Variants in ACVR1 observed in about 807,000 individuals in gnomAD.
The protein encoded by ACVR1 is activin receptor type-1.
A neutral mutation model predicts 57.1 loss-of-function variants in ACVR1; 38 were observed. The observed-to-expected ratio is 0.67, with a 90% CI of 0.51 to 0.87. ACVR1 has a LOEUF of 0.87. Among genes scored for constraint, ACVR1 ranks in the 40% least tolerant of loss-of-function variants. The pLI, the probability that ACVR1 is intolerant of heterozygous loss-of-function variation, is 0.00. For synonymous variants in ACVR1, 212 were observed against 228.1 expected (o/e 0.93, Z 0.63); for missense variants, 463 against 638.2 (o/e 0.73, Z 2.96).
rs763235054 is a variant in ACVR1 at position 157,760,950 on chromosome 2, A to G, written c.1194T>C (p.Ser398=). The change falls in exon 9 of 11, where the codon TCT becomes TCC. Residue 398 remains serine (S), a synonymous_variant. Coordinates refer to ENST00000434821, the MANE Select transcript of ACVR1 (RefSeq NM_001111067.4). ...DETIQVDCFD[S]YKRVDIWAFG... ...AGGCCCAAATATCGACCCTTTTATA[A>G]GAATCGAAACAATCCACCTGGATGG... 1 of 1,614,214 alleles carries G rather than the reference A, an allele frequency of 6.2e-7. No individual in the cohort carries two copies. The highest frequency in any genetic ancestry group is 8.5e-7 in the Non-Finnish European group (1 of 1,180,026).
intron 1 of ACVR1, chr2:157,838,434 T>A (rs1202766096): frequency 6.6e-6 from 1 of 152,120 alleles, no homozygotes; most frequent in Non-Finnish European, 1.5e-5. Flanking sequence ...AAGTCAAGAA[T>A]AATATTTAGG....
chr2:157,746,684 G>C (rs1684977818), intron 9 of ACVR1, among the ~76,000 whole-genome samples: 1 of 152,236 alleles, frequency 6.6e-6, no homozygotes, highest in South Asian at 2.1e-4. Context: ...CTGGGCCCCG[G>C]GAATCTGTGT....
chr2:157,788,703 C>T (rs891060957), intron 3 of ACVR1, among the ~76,000 whole-genome samples: 7 of 152,072 alleles, frequency 4.6e-5, no homozygotes, highest in Non-Finnish European at 1.0e-4. Flanking sequence ...TGGTTTCAGG[C>T]ATCCACCGGG....
chr2:157,787,477 C>T (rs2105290338), intron 3 of ACVR1, among the ~76,000 whole-genome samples: 1 of 152,276 alleles, frequency 6.6e-6, no homozygotes, highest in Non-Finnish European at 1.5e-5. Flanking sequence ...ATGGCCATGT[C>T]TAAGTGGAGC....
At chr2:157,763,130 A>G (rs916982328) in intron 8 of ACVR1, among the ~76,000 whole-genome samples, 2 of 152,220 alleles carry the variant, frequency 1.3e-5, no homozygotes. Context: ...CTTTGAAAAA[A>G]CTGAAAACAT....
intron 9 of ACVR1, among the ~76,000 whole-genome samples, chr2:157,751,339 G>C (rs1019462501): frequency 6.6e-6 from 1 of 152,234 alleles, no homozygotes; most frequent in African/African-American, 2.4e-5. Context: ...TTTCTGACTT[G>C]TCTTACAGCG....
chr2:157,807,560 A>C lies in ACVR1; in HGVS notation c.-7-8060T>G, dbSNP rs561767348. Among the ~76,000 whole-genome samples the C allele has an allele frequency of 1.3e-3, 199 of 147,870 alleles. 1 individual carries two copies. The highest frequency in any genetic ancestry group is 4.6e-3 in the African/African-American group (187 of 40,238). On this transcript the variant is annotated intron_variant, in intron 2 of 10. Coordinates refer to ENST00000434821, the MANE Select transcript of ACVR1 (RefSeq NM_001111067.4). The stretch of plus-strand genomic sequence containing the variant: ...TCCCTTGTTTGCAAACTGTGACTGG[A>C]CCATTTTTTTTTTTTTACCTATTGG...
chr2:157,875,134 C>T (rs759935429), intron 1 of ACVR1: 1 of 152,228 alleles, frequency 6.6e-6, no homozygotes, highest in Admixed American at 6.5e-5. Context: ...AGGTTCTAGC[C>T]TCACTGTTTT....
chr2:157,832,349 G>T (rs1688611702), intron 1 of ACVR1, among the ~76,000 whole-genome samples: 1 of 152,262 alleles, frequency 6.6e-6, no homozygotes, highest in South Asian at 2.1e-4. Flanking sequence ...GACACGTGAG[G>T]TATCAGAAGA....
chr2:157,738,332 C>G, intron 10 of ACVR1, 108 bp downstream of exon 10: 1 of 1,525,302 alleles, frequency 6.6e-7, no homozygotes, highest in Non-Finnish European at 9.1e-7. Context: ...GAGAAAACAA[C>G]AGATCCACGG....
intron 1 of ACVR1, among the ~76,000 whole-genome samples, chr2:157,852,823 C>T (rs1385263701): frequency 6.6e-6 from 1 of 152,116 alleles, no homozygotes. Flanking sequence ...AAGCAGAGGG[C>T]TGTCGAACAG....
chr2:157,821,291 C>T (rs1215926323), intron 1 of ACVR1, among the ~76,000 whole-genome samples: 3 of 152,178 alleles, frequency 2.0e-5, no homozygotes, highest in East Asian at 1.9e-4. Flanking sequence ...TTTGAGAGGC[C>T]GAGGTGGGTG....
chr2:157,795,812 C>T, intron 3 of ACVR1, among the ~76,000 whole-genome samples: 1 of 152,218 alleles, frequency 6.6e-6, no homozygotes, highest in Non-Finnish European at 1.5e-5. Context: ...CTCTTTTCCC[C>T]ATTCTCTCTC....
At chr2:157,850,495 G>A (rs1272513197) in intron 1 of ACVR1, among the ~76,000 whole-genome samples, 2 of 151,862 alleles carry the variant, frequency 1.3e-5, no homozygotes, top group Non-Finnish European at 2.9e-5. Context: ...AGTAATCCCT[G>A]CAAACCCTAA....
chr2:157,780,627 A>G lies in ACVR1; in HGVS notation c.68-27T>C, dbSNP rs749534045. 669 of 1,487,576 alleles carry G rather than the reference A, an allele frequency of 4.5e-4. 1 individual carries two copies. The highest frequency in any genetic ancestry group is 1.4e-3 in the Admixed American group (75 of 53,224). 92.1% of individuals were successfully genotyped at this position (1,487,576 alleles called of 1,614,324 possible). On this transcript the variant is annotated intron_variant, in intron 3 of 10. Coordinates refer to ENST00000434821, the MANE Select transcript of ACVR1 (RefSeq NM_001111067.4). Reference sequence around the variant, plus strand: ...TGCAAAGGAGAGAAAGGAAGGGGAAAAAAAAAAAAAAGAGGAATTACCGTA... The same window carrying G: ...TGCAAAGGAGAGAAAGGAAGGGGAAGAAAAAAAAAAAGAGGAATTACCGTA...
chr2:157,862,045 T>C (rs1356927444), intron 1 of ACVR1, among the ~76,000 whole-genome samples: 1 of 152,226 alleles, frequency 6.6e-6, no homozygotes, highest in Non-Finnish European at 1.5e-5. Context: ...ATACATTATC[T>C]AGCTGACATA....
At chr2:157,761,204 T>C (rs1380943278) in intron 8 of ACVR1, 127 bp from the exon 9 acceptor site, 9 of 816,502 alleles carry the variant, frequency 1.1e-5, no homozygotes, top group African/African-American at 1.7e-5. Context: ...TGCAATACAC[T>C]CAGAATGATC....
At chr2:157,843,391 T>C (rs1312864544) in intron 1 of ACVR1, among the ~76,000 whole-genome samples, 1 of 152,222 alleles carries the variant, frequency 6.6e-6, no homozygotes, top group Non-Finnish European at 1.5e-5. Flanking sequence ...CCACAGTTTT[T>C]TGAACACTTC....
chr2:157,831,813 T>C (rs1023061819), intron 1 of ACVR1, among the ~76,000 whole-genome samples: 2 of 152,230 alleles, frequency 1.3e-5, no homozygotes, highest in Non-Finnish European at 2.9e-5. Flanking sequence ...ATGCTAATAG[T>C]TTCTCTGTCA....
Sources: allele counts gnomAD v4.1 joint callset (sites outside exome capture counted in the v4.1 genomes callset), GRCh38; gene constraint gnomAD v4.1.1; transcripts MANE v1.5; gene names NCBI Gene and HGNC (gene_info 2026-07-23, HGNC 2026-07-21).